The following LCLAT1 variants were observed in gnomAD, a reference collection of about 807,000 sequenced individuals.
The protein encoded by LCLAT1 is lysocardiolipin acyltransferase 1.
Under a neutral mutation model 30.7 loss-of-function variants are expected in LCLAT1, and 11 were observed. The ratio of observed to expected loss-of-function variants is 0.36; its 90% CI spans 0.23 to 0.59. The LOEUF is 0.59. LCLAT1 is among the 20% of genes least tolerant of loss of function. The pLI, the probability that LCLAT1 is intolerant of heterozygous loss-of-function variation, is 0.77. For synonymous variants in LCLAT1, 155 were observed against 151.3 expected (o/e 1.02, Z -0.18); for missense variants, 402 against 458.6 (o/e 0.88, Z 1.13).
intron 1 of LCLAT1, among the ~76,000 whole-genome samples, chr2:30,509,074 A>G (rs760994476): frequency 1.2e-4 from 18 of 152,144 alleles, no homozygotes; most frequent in African/African-American, 2.6e-4. Flanking sequence ...CAGCTTGACT[A>G]TTGTTGGTAT....
chr2:30,546,872 C>G (rs750437867), intron 3 of LCLAT1, among the ~76,000 whole-genome samples: 21 of 151,982 alleles, frequency 1.4e-4, no homozygotes, highest in Admixed American at 7.9e-4. Context: ...TAATTCAACA[C>G]AATTTCATGC....
intron 1 of LCLAT1, among the ~76,000 whole-genome samples, chr2:30,463,914 C>A (rs1682293774): frequency 6.6e-6 from 1 of 152,202 alleles, no homozygotes. Context: ...TTTTCACATA[C>A]AAATAGTGCC....
chr2:30,483,259 TG>T (rs769733575), intron 1 of LCLAT1, among the ~76,000 whole-genome samples: 9 of 152,026 alleles, frequency 5.9e-5, no homozygotes, highest in Non-Finnish European at 1.0e-4. Context: ...AGGCTGAGGT[TG>T]GGGGGATCAC....
Position 30,449,735 on chromosome 2 carries a change from G to A in LCLAT1, c.-5+2352G>A, listed in dbSNP as rs367757267. Among the ~76,000 whole-genome samples the A allele has an allele frequency of 5.9e-5, 9 of 152,186 alleles. No individual in the cohort carries two copies. The South Asian group carries it at 1.7e-3, about 28-fold the overall frequency. On this transcript the variant is annotated intron_variant, in intron 1 of 5. Coordinates refer to ENST00000379509, the MANE Select transcript of LCLAT1 (RefSeq NM_001002257.3). The stretch of plus-strand genomic sequence containing the variant: ...GGCTAGTCTTGAGCTCCCGACCTCA[G>A]GTGATCCGCCTGCCTCAGCCTCCCA...
intron 1 of LCLAT1, among the ~76,000 whole-genome samples, chr2:30,510,861 A>T (rs1023299001): frequency 6.6e-6 from 1 of 151,846 alleles, no homozygotes; most frequent in African/African-American, 2.4e-5. Context: ...GCTGTTTTAA[A>T]CTTTCAGTAG....
intron 1 of LCLAT1, among the ~76,000 whole-genome samples, chr2:30,498,269 TA>T (rs2148337780): frequency 6.6e-6 from 1 of 152,232 alleles, no homozygotes; most frequent in Non-Finnish European, 1.5e-5. Flanking sequence ...AAGCACCACT[TA>T]GAAGTATGTT....
intron 1 of LCLAT1, among the ~76,000 whole-genome samples, chr2:30,495,209 G>A (rs1308080352): frequency 6.6e-6 from 1 of 151,868 alleles, no homozygotes; most frequent in African/African-American, 2.4e-5. Context: ...AGGATTTTTT[G>A]TTCTTGCCCA....
chr2:30,480,230 C>T (rs1683252120), intron 1 of LCLAT1, among the ~76,000 whole-genome samples: 1 of 151,924 alleles, frequency 6.6e-6, no homozygotes, highest in Non-Finnish European at 1.5e-5. Flanking sequence ...TTCTTTTTTC[C>T]AGACAGGGGC....
intron 5 of LCLAT1, among the ~76,000 whole-genome samples, chr2:30,639,268 C>T (rs1257221201): frequency 1.3e-5 from 2 of 152,170 alleles, no homozygotes; most frequent in African/African-American, 4.8e-5. Context: ...CCCATAAGGT[C>T]TATTTAGGCC....
At chr2:30,474,333 A>G (rs1483003358) in intron 1 of LCLAT1, among the ~76,000 whole-genome samples, 2 of 152,222 alleles carry the variant, frequency 1.3e-5, no homozygotes, top group Non-Finnish European at 2.9e-5. Context: ...GAATCTGATA[A>G]AGTGTAGAGG....
At chr2:30,520,587 G>A (rs1685427901) in intron 1 of LCLAT1, among the ~76,000 whole-genome samples, 2 of 152,050 alleles carry the variant, frequency 1.3e-5, no homozygotes, top group Admixed American at 1.3e-4. Flanking sequence ...GTAAAATTAA[G>A]GTAATGAAAA....
chr2:30,483,079 C>G (rs1033502209), intron 1 of LCLAT1, among the ~76,000 whole-genome samples: 3 of 152,134 alleles, frequency 2.0e-5, no homozygotes, highest in African/African-American at 7.2e-5. Flanking sequence ...TTAGTTAATA[C>G]AAATGTAATA....
intron 3 of LCLAT1, among the ~76,000 whole-genome samples, chr2:30,548,719 G>A (rs753239138): frequency 1.7e-4 from 26 of 152,226 alleles, no homozygotes; most frequent in Non-Finnish European, 3.2e-4. Context: ...TCTATATAAT[G>A]TGGATTTTTC....
intron 5 of LCLAT1, among the ~76,000 whole-genome samples, chr2:30,617,427 A>C (rs1429492309): frequency 6.6e-6 from 1 of 152,190 alleles, no homozygotes; most frequent in Non-Finnish European, 1.5e-5. Context: ...TTCTTTAACC[A>C]TTCATGGACT....
intron 5 of LCLAT1, among the ~76,000 whole-genome samples, chr2:30,573,534 A>C (rs547074352): frequency 6.6e-6 from 1 of 152,208 alleles, no homozygotes; most frequent in South Asian, 2.1e-4. Context: ...CTGTCTCCCT[A>C]GTTGTACCAT....
chr2:30,521,475 C>A (rs1488142348), intron 1 of LCLAT1, among the ~76,000 whole-genome samples: 1 of 144,492 alleles, frequency 6.9e-6, no homozygotes, highest in East Asian at 2.1e-4. Context: ...TTTCCTCAAC[C>A]CCCTAAACTA....
intron 1 of LCLAT1, among the ~76,000 whole-genome samples, chr2:30,500,364 A>G (rs1049537016): frequency 1.3e-5 from 2 of 152,186 alleles, no homozygotes; most frequent in African/African-American, 4.8e-5. Context: ...AATAGTGACT[A>G]TATATGCTTT....
chr2:30,633,211 G>A lies in LCLAT1; in HGVS notation c.629-6906G>A, dbSNP rs376141155. Among the ~76,000 whole-genome samples the A allele has an allele frequency of 7.2e-5, 11 of 152,104 alleles. No individual in the cohort carries two copies. In the South Asian group the frequency reaches 1.7e-3, roughly 23 times the overall value. On this transcript the variant is annotated intron_variant, in intron 5 of 5. Transcript: ENST00000379509. ...TTAGAGTAACTTTTCTTTTTAATTT[G>A]AAAAACAATGTACAAAATCAGCAGC... is the stretch of plus-strand genomic sequence containing the variant.
intron 1 of LCLAT1, among the ~76,000 whole-genome samples, chr2:30,462,185 A>G (rs981608301): frequency 2.0e-5 from 3 of 152,226 alleles, no homozygotes; most frequent in African/African-American, 4.8e-5. Flanking sequence ...CTGGAGTCCA[A>G]TAGGCTCAAA....
Sources: allele counts gnomAD v4.1 joint callset (sites outside exome capture counted in the v4.1 genomes callset), GRCh38; gene constraint gnomAD v4.1.1; transcripts MANE v1.5; gene names NCBI Gene and HGNC (gene_info 2026-07-23, HGNC 2026-07-21).